PARVA: variants seen among roughly 807,000 people sequenced by gnomAD.
The protein encoded by PARVA is alpha-parvin.
In PARVA, 25 loss-of-function variants were observed where a neutral mutation model predicts 52.6. The ratio of observed to expected loss-of-function variants is 0.48; its 90% CI spans 0.35 to 0.66. The LOEUF is 0.66. PARVA is among the 30% of genes least tolerant of loss of function. PARVA has a pLI of 0.01. For synonymous variants in PARVA, 185 were observed against 179.1 expected (o/e 1.03, Z -0.26); for missense variants, 373 against 450.9 (o/e 0.83, Z 1.56).
In PARVA at chr11:12,532,322, C is replaced by T. The variant is rs563987311; in HGVS notation, c.*4397C>T. Among the ~76,000 whole-genome samples the T allele has an allele frequency of 5.9e-5, 9 of 152,116 alleles. No individual in the cohort carries two copies. The highest frequency in any genetic ancestry group is 1.2e-4 in the Non-Finnish European group (8 of 68,026). On this transcript the variant is annotated 3_prime_UTR_variant, in exon 13 of 13. Coordinates refer to ENST00000334956, the MANE Select transcript of PARVA (RefSeq NM_018222.5). ...GAGGTGAAGAAAGTTAGCTTACTGA[C>T]GCTTTTTGTTTTCTAGTTGGAGCGC...
At chr11:12,396,906 CTCCT>C (rs371288560) in intron 1 of PARVA, among the ~76,000 whole-genome samples, 1 of 148,606 alleles carries the variant, frequency 6.7e-6, no homozygotes, top group Non-Finnish European at 1.5e-5. Context: ...TTCTTCCTTT[CTCCT>C]TTCCTTTCAT....
intron 6 of PARVA, among the ~76,000 whole-genome samples, chr11:12,505,196 T>G (rs1941419320): frequency 6.6e-6 from 1 of 152,226 alleles, no homozygotes; most frequent in South Asian, 2.1e-4. Context: ...TTTGTTTGCT[T>G]GTTCCTGTTC....
chr11:12,423,388 G>C (rs1298436983), intron 1 of PARVA, among the ~76,000 whole-genome samples: 2 of 103,420 alleles, frequency 1.9e-5, no homozygotes, highest in African/African-American at 7.5e-5. Context: ...ACAGGGTTTT[G>C]CCATGTTGGC....
intron 1 of PARVA, among the ~76,000 whole-genome samples, chr11:12,431,265 A>G (rs1369216075): frequency 1.3e-5 from 2 of 152,246 alleles, no homozygotes; most frequent in Non-Finnish European, 2.9e-5. Context: ...CTGCTGTGGT[A>G]TCAGACTGGA....
At chr11:12,452,387 TA>T (rs1372480840) in intron 1 of PARVA, among the ~76,000 whole-genome samples, 1 of 151,862 alleles carries the variant, frequency 6.6e-6, no homozygotes, top group Non-Finnish European at 1.5e-5. Context: ...CAACCTAAAC[TA>T]GTAGTTAGAT....
rs77797878 is a variant in PARVA at position 12,512,093 on chromosome 11, T to C, written c.736+560T>C. On this transcript the variant is annotated intron_variant, in intron 8 of 12. Transcript: ENST00000334956. ...ATGCTCATAACATCCCACTGAAATATTTACTGTAATTATCCTCATTTTAGA... is the reference window on the plus strand; with the variant it reads ...ATGCTCATAACATCCCACTGAAATACTTACTGTAATTATCCTCATTTTAGA... Among the ~76,000 whole-genome samples the C allele has an allele frequency of 4.5e-3, 687 of 152,284 alleles. 4 individuals carry two copies. The highest frequency in any genetic ancestry group is 0.017 in the Middle Eastern group (5 of 294).
At chr11:12,402,042 GT>G in intron 1 of PARVA, among the ~76,000 whole-genome samples, 1 of 152,218 alleles carries the variant, frequency 6.6e-6, no homozygotes, top group Non-Finnish European at 1.5e-5. Context: ...ATAACCTCGT[GT>G]ATGAGTCAAG....
intron 4 of PARVA, among the ~76,000 whole-genome samples, chr11:12,482,327 A>G (rs775653510): frequency 6.6e-6 from 1 of 152,028 alleles, no homozygotes; most frequent in Non-Finnish European, 1.5e-5. Context: ...AAGGCTGGGT[A>G]ATTTAAAAAG....
chr11:12,391,584 G>A (rs1025549528), intron 1 of PARVA, among the ~76,000 whole-genome samples: 2 of 152,186 alleles, frequency 1.3e-5, no homozygotes, highest in Admixed American at 6.5e-5. Context: ...CAGTTTTCAC[G>A]TGAGTGTGGA....
chr11:12,452,496 C>T (rs1940636415), intron 1 of PARVA, among the ~76,000 whole-genome samples: 1 of 152,198 alleles, frequency 6.6e-6, no homozygotes, highest in Non-Finnish European at 1.5e-5. Flanking sequence ...CACTCTGTGT[C>T]CAGTGTGGCC....
chr11:12,423,703 C>T (rs1262353735), intron 1 of PARVA, among the ~76,000 whole-genome samples: 1 of 152,120 alleles, frequency 6.6e-6, no homozygotes, highest in Non-Finnish European at 1.5e-5. Context: ...GTTCCACCAG[C>T]ATTTATTAAA....
intron 12 of PARVA, among the ~76,000 whole-genome samples, chr11:12,520,209 C>T (rs750566600): frequency 7.5e-4 from 114 of 152,298 alleles, no homozygotes; most frequent in African/African-American, 2.3e-3. Flanking sequence ...TGGAAAAACA[C>T]GTGTTTTATT....
chr11:12,466,555 C>T (rs944122816), intron 1 of PARVA, among the ~76,000 whole-genome samples: 5 of 152,054 alleles, frequency 3.3e-5, no homozygotes, highest in African/African-American at 4.8e-5. Flanking sequence ...CCGCCCGCCT[C>T]GGCCACCCAG....
intron 3 of PARVA, among the ~76,000 whole-genome samples, chr11:12,475,379 ATAT>A (rs1181123830): frequency 6.6e-6 from 1 of 152,136 alleles, no homozygotes; most frequent in Non-Finnish European, 1.5e-5. Context: ...TCTCCACGTA[ATAT>A]TATAGCTTCT....
chr11:12,477,804 C>A, intron 3 of PARVA, 43 bp from the exon 4 acceptor site: 2 of 1,022,936 alleles, frequency 2.0e-6, no homozygotes, highest in East Asian at 2.4e-5. Flanking sequence ...TACCCCATAA[C>A]TCTTTTCTTA....
rs397932987 is a variant in PARVA, at chr11:12,454,589, AAG to A, written c.137-19154_137-19153del. Among the ~76,000 whole-genome samples the A allele has an allele frequency of 5.0e-4, 75 of 148,968 alleles. 1 individual carries two copies. The highest frequency in any genetic ancestry group is 3.3e-3 in the Admixed American group (49 of 14,960). On this transcript the variant is annotated intron_variant, in intron 1 of 12. Transcript: ENST00000334956. ...TAAAGTATCATTTAAAAAAAAAAAAAAGAAGAAGAACTTCTGACTGTGGAAAA... is the reference window on the plus strand; with the variant it reads ...TAAAGTATCATTTAAAAAAAAAAAAAAAGAAGAACTTCTGACTGTGGAAAA...
chr11:12,464,386 A>G (rs919944957), intron 1 of PARVA, among the ~76,000 whole-genome samples: 1 of 152,194 alleles, frequency 6.6e-6, no homozygotes, highest in Admixed American at 6.5e-5. Context: ...ACTGGCTCCT[A>G]CCATCCACCA....
At chr11:12,379,274 A>G (rs555295436) in intron 1 of PARVA, among the ~76,000 whole-genome samples, 1 of 152,212 alleles carries the variant, frequency 6.6e-6, no homozygotes, top group Non-Finnish European at 1.5e-5. Context: ...CTCATCCTGT[A>G]AGTTAGAATG....
At chr11:12,386,489 A>G (rs1297725950) in intron 1 of PARVA, among the ~76,000 whole-genome samples, 6 of 152,278 alleles carry the variant, frequency 3.9e-5, no homozygotes, top group Admixed American at 3.3e-4. Flanking sequence ...CTCCTCTGTG[A>G]TCCCACAGTG....
Sources: allele counts gnomAD v4.1 joint callset (sites outside exome capture counted in the v4.1 genomes callset), GRCh38; gene constraint gnomAD v4.1.1; transcripts MANE v1.5; gene names NCBI Gene and HGNC (gene_info 2026-07-23, HGNC 2026-07-21).